MTREX: variants seen among roughly 807,000 people sequenced by gnomAD.
MTREX encodes the protein exosome RNA helicase MTR4.
In MTREX, 76 loss-of-function variants were observed where a neutral mutation model predicts 135.4. That is an observed-to-expected ratio of 0.56 (90% CI 0.47 to 0.68). The LOEUF (loss-of-function observed/expected upper bound fraction) is 0.68. Ranked by LOEUF, MTREX falls within the 30% of genes least tolerant of loss-of-function variation. The probability of loss-of-function intolerance (pLI) is 0.00; values close to 1 mark genes in which losing one functional copy is unlikely to be tolerated. For missense variants in MTREX, 920 were observed against 1,262.1 expected (o/e 0.73, Z 4.11); for synonymous variants, 404 against 401.6 (o/e 1.01, Z -0.07).
intron 22 of MTREX, among the ~76,000 whole-genome samples, chr5:55,409,565 G>C (rs149632280): frequency 3.2e-4 from 49 of 152,242 alleles, no homozygotes; most frequent in African/African-American, 1.2e-3. Flanking sequence ...ATATGAAAAT[G>C]TTTCACAATT....
rs377452171 is a variant in MTREX at position 55,343,313 on chromosome 5, T to C, written c.782-18T>C. ...TGTAGTCCAACTATAGTCCAAAGTA[T>C]ATATTTATTTTTTTCAGAACGTGGT... On this transcript the variant is annotated intron_variant, in intron 7 of 26. Coordinates refer to ENST00000230640, the MANE Select transcript of MTREX (RefSeq NM_015360.5). The C allele has an allele frequency of 6.9e-6, 11 of 1,597,152 alleles. No individual in the cohort carries two copies. Among genetic ancestry groups the C allele is most frequent in the Middle Eastern group, 1.7e-4 (1 of 6,002 alleles).
At chr5:55,347,220 C>G in intron 11 of MTREX, 76 bp downstream of exon 11, 2 of 1,405,498 alleles carry the variant, frequency 1.4e-6, no homozygotes, top group Non-Finnish European at 2.0e-6. Flanking sequence ...ATATTTTTAT[C>G]TGTTACATAT....
rs1396009835 is a variant in MTREX at position 55,381,040 on chromosome 5, TTGTC to T, written c.2052+1849_2052+1852del. Among the ~76,000 whole-genome samples, 5 of 152,324 alleles carry T rather than the reference TTGTC, an allele frequency of 3.3e-5. No individual in the cohort carries two copies. In the South Asian group the frequency reaches 1.0e-3, roughly 32 times the overall value. On this transcript the variant is annotated intron_variant, in intron 18 of 26. Coordinates refer to ENST00000230640, the MANE Select transcript of MTREX (RefSeq NM_015360.5). ...TACTTGGTATGGCATGTTCTTCAGA[TTGTC>T]TGTAATTTATTGATATACAGTTATT...
chr5:55,408,507 G>T (rs978183708), intron 22 of MTREX, among the ~76,000 whole-genome samples: 2 of 152,044 alleles, frequency 1.3e-5, no homozygotes, highest in African/African-American at 2.4e-5. Context: ...TTTAGTTTTT[G>T]ACTTTTATTT....
At chr5:55,393,311 A>G (rs1007456897) in intron 19 of MTREX, among the ~76,000 whole-genome samples, 13 of 152,210 alleles carry the variant, frequency 8.5e-5, no homozygotes, top group African/African-American at 3.1e-4. Flanking sequence ...CATTGCTTTT[A>G]TGGAGAAAAG....
chr5:55,388,688 T>C (rs1430257022), intron 19 of MTREX, among the ~76,000 whole-genome samples: 2 of 152,208 alleles, frequency 1.3e-5, no homozygotes, highest in Admixed American at 1.3e-4. Context: ...AAATACATTT[T>C]TGACCTAACG....
At chr5:55,326,962 T>C (rs185649116) in intron 3 of MTREX, among the ~76,000 whole-genome samples, 41 of 152,344 alleles carry the variant, frequency 2.7e-4, no homozygotes, top group Middle Eastern at 3.4e-3. Flanking sequence ...TGGTTTTGTG[T>C]TGTTGTGATA....
chr5:55,424,502 G>A (rs890085538), intron 26 of MTREX: 1 of 476,006 alleles, frequency 2.1e-6, no homozygotes, highest in South Asian at 3.3e-5. Flanking sequence ...CCCCCATGGA[G>A]TATTTCAGAG....
At chr5:55,397,914 G>A (rs1029347328) in intron 20 of MTREX, among the ~76,000 whole-genome samples, 5 of 152,084 alleles carry the variant, frequency 3.3e-5, no homozygotes, top group African/African-American at 1.2e-4. Flanking sequence ...TTGAGATTTT[G>A]TAGTAAATTT....
At chr5:55,364,712 T>G (rs541559983) in intron 15 of MTREX, among the ~76,000 whole-genome samples, 1 of 152,156 alleles carries the variant, frequency 6.6e-6, no homozygotes, top group Admixed American at 6.6e-5. Flanking sequence ...TGGACTAGAG[T>G]GGTGGCAGTG....
In MTREX at chr5:55,378,407, A is replaced by G. The variant is rs143136046; in HGVS notation, c.1904A>G (p.Lys635Arg). Residue 635 changes from lysine (K) to arginine (R), a missense_variant, in exon 17 of 27, where the codon AAA (lysine) becomes AGA (arginine). By Grantham distance (26) the Lys-to-Arg change is conservative (BLOSUM62 2). Coordinates refer to ENST00000230640, the MANE Select transcript of MTREX (RefSeq NM_015360.5). ...TATAAGATTAGACAGCAGCTTGCCA[A>G]ATTGGGTAAAGAAATTGAAGAATAT... ...IYYKIRQQLA[K>R]LGKEIEEYIH... The G allele has an allele frequency of 3.0e-4, 479 of 1,612,356 alleles. 1 individual carries two copies. Among genetic ancestry groups the G allele is most frequent in the Non-Finnish European group, 3.9e-4 (461 of 1,179,536 alleles).
At chr5:55,401,768 C>G (rs965897433) in intron 21 of MTREX, among the ~76,000 whole-genome samples, 2 of 152,288 alleles carry the variant, frequency 1.3e-5, no homozygotes, top group African/African-American at 4.8e-5. Flanking sequence ...TATAAGCATT[C>G]TGTATAGCAA....
intron 5 of MTREX, among the ~76,000 whole-genome samples, chr5:55,338,795 T>TC: frequency 7.1e-6 from 1 of 140,560 alleles, no homozygotes; most frequent in Non-Finnish European, 1.5e-5. Flanking sequence ...TCTTTTTTTT[T>TC]TTTTTTTTTT....
At position 55,341,754 on chromosome 5, in the gene MTREX, A is replaced by G; in HGVS notation, c.764A>G (p.His255Arg). The stretch of plus-strand genomic sequence containing the variant: ...GCTTGGGTTATATTTGATGAAATTC[A>G]TTATATGAGAGATTCAGGTATATTC... Reference protein sequence around the residue: ...EVAWVIFDEIHYMRDSERGVV... With the variant: ...EVAWVIFDEIRYMRDSERGVV... Residue 255 changes from histidine to arginine, a missense_variant, in exon 7 of 27, where the codon CAT becomes CGT. Physicochemically the swap from His to Arg is conservative, Grantham distance 29 (BLOSUM62 0). Transcript: ENST00000230640. 1 of 1,540,798 alleles carries G rather than the reference A, an allele frequency of 6.5e-7. No individual in the cohort carries two copies. Among genetic ancestry groups the G allele is most frequent in the Non-Finnish European group, 9.0e-7 (1 of 1,116,092 alleles).
At chr5:55,319,337 G>A (rs1486440820) in intron 1 of MTREX, among the ~76,000 whole-genome samples, 1 of 152,180 alleles carries the variant, frequency 6.6e-6, no homozygotes, top group African/African-American at 2.4e-5. Flanking sequence ...TGGTTGTCAT[G>A]TCTTTTTTGT....
At chr5:55,386,588 GTT>G (rs992671323) in intron 18 of MTREX, among the ~76,000 whole-genome samples, 10 of 152,052 alleles carry the variant, frequency 6.6e-5, no homozygotes, top group African/African-American at 2.4e-4. Context: ...CTATAAGTTG[GTT>G]TTAGTAGCTC....
chr5:55,404,569 C>T (rs1052862340), intron 21 of MTREX, among the ~76,000 whole-genome samples: 15 of 152,118 alleles, frequency 9.9e-5, no homozygotes, highest in African/African-American at 2.4e-4. Flanking sequence ...CTCTAAGCTA[C>T]CCCCTGATGC....
Position 55,424,885 on chromosome 5 carries a change from A to T in MTREX, c.*113A>T. The T allele has an allele frequency of 1.4e-6, 1 of 724,244 alleles. No individual in the cohort carries two copies. Among genetic ancestry groups the T allele is most frequent in the South Asian group, 1.8e-5 (1 of 55,818 alleles). The allele number at this position is 724,244 out of a possible 1,614,324, so 44.9% of individuals were successfully genotyped here. ...TCTCCCATACATTTTAATATGTATT[A>T]TATTTAAATCAAACATCATTCATAG... On this transcript the variant is annotated 3_prime_UTR_variant, in exon 27 of 27. Transcript: ENST00000230640.
chr5:55,376,555 A>G (rs952396703), intron 16 of MTREX, among the ~76,000 whole-genome samples: 2 of 152,206 alleles, frequency 1.3e-5, no homozygotes, highest in Non-Finnish European at 2.9e-5. Context: ...TTAAAGTGAA[A>G]ACAAATCTCT....
Sources: allele counts gnomAD v4.1 joint callset (sites outside exome capture counted in the v4.1 genomes callset), GRCh38; gene constraint gnomAD v4.1.1; transcripts MANE v1.5; gene names NCBI Gene and HGNC (gene_info 2026-07-23, HGNC 2026-07-21).